The following KIAA1217 variants were observed in gnomAD, a reference collection of about 807,000 sequenced individuals.
The protein encoded by KIAA1217 is KIAA1217, also known as sickle tail protein homolog.
KIAA1217 carries 88 observed loss-of-function variants against 163.9 expected under a neutral mutation model. The observed-to-expected ratio is 0.54, with a 90% confidence interval of 0.45 to 0.64. The LOEUF (loss-of-function observed/expected upper bound fraction) is 0.64. Among genes scored for constraint, KIAA1217 ranks in the 30% least tolerant of loss-of-function variants. The probability of loss-of-function intolerance (pLI) is 0.00; values close to 1 mark genes in which losing one functional copy is unlikely to be tolerated. For missense variants in KIAA1217, 2,372 were observed against 2,475.0 expected (o/e 0.96, Z 0.88); for synonymous variants, 903 against 923.1 (o/e 0.98, Z 0.39).
At chr10:24,107,235 A>G (rs1364812638) in intron 2 of KIAA1217, among the ~76,000 whole-genome samples, 2 of 152,312 alleles carry the variant, frequency 1.3e-5, no homozygotes, top group South Asian at 2.1e-4. Context: ...TTATGGCTGC[A>G]TAGTATTCCA....
intron 1 of KIAA1217, among the ~76,000 whole-genome samples, chr10:23,939,004 T>C (rs1474406527): frequency 1.3e-5 from 2 of 152,118 alleles, no homozygotes; most frequent in African/African-American, 4.8e-5. Context: ...CTATATCCCA[T>C]AGAGTCAAGA....
intron 1 of KIAA1217, among the ~76,000 whole-genome samples, chr10:23,825,623 T>C (rs369384155): frequency 2.0e-5 from 3 of 152,226 alleles, no homozygotes; most frequent in Admixed American, 1.3e-4. Flanking sequence ...AGTTTCCATT[T>C]TGGTTTAAGT....
intron 2 of KIAA1217, among the ~76,000 whole-genome samples, chr10:24,379,773 G>C (rs539998629): frequency 6.9e-6 from 1 of 144,972 alleles, no homozygotes; most frequent in Non-Finnish European, 1.5e-5. Flanking sequence ...TAATAAGGCC[G>C]GGCATGGTAG....
At chr10:24,285,200 T>G (rs1184396432) in intron 2 of KIAA1217, among the ~76,000 whole-genome samples, 1 of 152,234 alleles carries the variant, frequency 6.6e-6, no homozygotes, top group African/African-American at 2.4e-5. Flanking sequence ...GTTGATAGTA[T>G]CTTTTGCTGT....
intron 2 of KIAA1217, among the ~76,000 whole-genome samples, chr10:24,300,860 T>C (rs934721541): frequency 7.2e-5 from 11 of 152,180 alleles, no homozygotes; most frequent in African/African-American, 2.4e-4. Context: ...TTGCCCAGGC[T>C]GGAGTGCAGT....
At chr10:23,928,859 C>T (rs1423325902) in intron 1 of KIAA1217, among the ~76,000 whole-genome samples, 1 of 152,202 alleles carries the variant, frequency 6.6e-6, no homozygotes, top group Non-Finnish European at 1.5e-5. Context: ...AAGGTGATAG[C>T]CACTCTGTGG....
chr10:23,964,279 C>A (rs566151624), intron 1 of KIAA1217, among the ~76,000 whole-genome samples: 1 of 149,444 alleles, frequency 6.7e-6, no homozygotes, highest in African/African-American at 2.5e-5. Flanking sequence ...CTTTTGCCCA[C>A]TTTTTGATGG....
intron 2 of KIAA1217, among the ~76,000 whole-genome samples, chr10:24,375,961 T>C (rs922786221): frequency 6.6e-6 from 1 of 152,198 alleles, no homozygotes; most frequent in Non-Finnish European, 1.5e-5. Context: ...AAATACATCA[T>C]CAATACCTCT....
chr10:24,107,338 T>G (rs1281778707), intron 2 of KIAA1217, among the ~76,000 whole-genome samples: 1 of 152,244 alleles, frequency 6.6e-6, no homozygotes, highest in Non-Finnish European at 1.5e-5. Context: ...AGTGCTGTGA[T>G]GAACATAGGT....
chr10:24,239,172 A>G, intron 2 of KIAA1217: 1 of 985,394 alleles, frequency 1.0e-6, no homozygotes, highest in Non-Finnish European at 1.2e-6. Flanking sequence ...GCAAATGACG[A>G]GAGTTTCACT....
At chr10:23,729,150 T>C (rs1838333603) in intron 1 of KIAA1217, among the ~76,000 whole-genome samples, 1 of 152,220 alleles carries the variant, frequency 6.6e-6, no homozygotes, top group African/African-American at 2.4e-5. Context: ...TAGTGGTGAA[T>C]AATATTGCAT....
intron 1 of KIAA1217, among the ~76,000 whole-genome samples, chr10:23,771,271 A>T (rs941448468): frequency 3.5e-4 from 53 of 152,160 alleles, no homozygotes; most frequent in African/African-American, 1.1e-3. Context: ...TTTCTTCCTT[A>T]CATAGGGAGC....
chr10:24,140,480 A>C (rs903235524), intron 2 of KIAA1217, among the ~76,000 whole-genome samples: 4 of 152,110 alleles, frequency 2.6e-5, no homozygotes, highest in Admixed American at 6.5e-5. Flanking sequence ...CCCAAGCACT[A>C]TGGTACCTAT....
intron 2 of KIAA1217, among the ~76,000 whole-genome samples, chr10:24,147,669 C>T (rs1057059639): frequency 6.6e-6 from 1 of 151,060 alleles, no homozygotes; most frequent in Non-Finnish European, 1.5e-5. Flanking sequence ...ATGACGAAAT[C>T]CAGTCTCCAT....
intron 2 of KIAA1217, among the ~76,000 whole-genome samples, chr10:24,110,462 T>A (rs552419411): frequency 7.8e-4 from 119 of 152,330 alleles, no homozygotes; most frequent in Non-Finnish European, 1.5e-3. Flanking sequence ...GTATTTGGCA[T>A]CCCTTGAGTG....
intron 1 of KIAA1217, among the ~76,000 whole-genome samples, chr10:23,763,442 C>A (rs1834360715): frequency 6.6e-6 from 1 of 152,074 alleles, no homozygotes; most frequent in African/African-American, 2.4e-5. Flanking sequence ...AGAACAGAGA[C>A]CCCAGAAATA....
At chr10:24,414,741 C>T (rs537703521) in intron 3 of KIAA1217, among the ~76,000 whole-genome samples, 9 of 152,310 alleles carry the variant, frequency 5.9e-5, no homozygotes, top group Non-Finnish European at 8.8e-5. Flanking sequence ...CAGAGCTGTT[C>T]AAATGGGGCC....
chr10:24,059,081 T>G (rs1452877467), intron 2 of KIAA1217, among the ~76,000 whole-genome samples: 1 of 152,228 alleles, frequency 6.6e-6, no homozygotes, highest in African/African-American at 2.4e-5. Context: ...CTGAGAGTTT[T>G]TATCATGAAG....
At chr10:24,160,073 C>G (rs2065052789) in intron 2 of KIAA1217, among the ~76,000 whole-genome samples, 1 of 152,102 alleles carries the variant, frequency 6.6e-6, no homozygotes, top group South Asian at 2.1e-4. Context: ...GATCTATTTG[C>G]CCATCTTTTC....
Sources: gnomAD v4.1 joint callset for allele counts (sites outside exome capture counted in the v4.1 genomes callset) on GRCh38, gnomAD v4.1.1 for gene constraint, MANE v1.5 for transcripts, NCBI Gene and HGNC (gene_info 2026-07-23, HGNC 2026-07-21) for gene names.